DOCK6: variants seen among roughly 807,000 people sequenced by gnomAD.
The protein encoded by DOCK6 is dedicator of cytokinesis protein 6.
A neutral mutation model predicts 230.3 loss-of-function variants in DOCK6; 167 were observed. The observed-to-expected ratio is 0.73, with a 90% CI of 0.64 to 0.82. The LOEUF (loss-of-function observed/expected upper bound fraction) is 0.82, where lower values mean the gene tolerates loss of function less well. Among genes scored for constraint, DOCK6 ranks in the 40% least tolerant of loss-of-function variants. The pLI is 0.00. For synonymous variants in DOCK6, 1,148 were observed against 1,185.0 expected, an observed-to-expected ratio of 0.97 and a Z score of 0.64; for missense variants, 2,598 against 2,825.8, an observed-to-expected ratio of 0.92 and a Z score of 1.83.
intron 2 of DOCK6, 140 bp downstream of exon 2, chr19:11,253,499 C>T (rs369654745): frequency 5.9e-5 from 30 of 512,392 alleles, no homozygotes; most frequent in Middle Eastern, 5.1e-4. Context: ...CTCCCTCCCC[C>T]GACACTGCTG....
rs2116873 is a variant in DOCK6, at chr19:11,215,108, T to A, written c.4106+279A>T. Among the ~76,000 whole-genome samples, 83,174 of 151,226 alleles carry A rather than the reference T, an allele frequency of 0.55. 23,391 individuals carry two copies. The highest frequency in any genetic ancestry group is 0.62 in the Non-Finnish European group (41,804 of 67,616). On this transcript the variant is annotated intron_variant, in intron 32 of 47. Coordinates refer to ENST00000294618, the MANE Select transcript of DOCK6 (RefSeq NM_020812.4). The stretch of plus-strand genomic sequence containing the variant: ...CAGGCACCTGCCACCACACCTGGCT[T>A]ATTTTTTATATATTTTTTAGTAGAG...
At position 11,201,019 on chromosome 19, in the gene DOCK6, C is replaced by A. The variant is rs762935018; in HGVS notation, c.5722G>T (p.Asp1908Tyr). 1 of 1,613,946 alleles carries A rather than the reference C, an allele frequency of 6.2e-7. No individual in the cohort carries two copies. ...AGCTCCCGTGTCTTCTTCTGCATGT[C>A]CTCGATGGCCACCTCCACTGGCGTC... is the stretch of plus-strand genomic sequence containing the variant. ...VLTPVEVAIEDMQKKTRELAF... is the reference protein window; with the variant it reads ...VLTPVEVAIEYMQKKTRELAF... The change falls in exon 45 of 48, where the codon GAC (aspartate) becomes TAC (tyrosine). Residue 1908 changes from aspartate (D) to tyrosine (Y), a missense_variant. Coordinates refer to ENST00000294618, the MANE Select transcript of DOCK6 (RefSeq NM_020812.4). The surrounding 1 kb of genome is among the most constrained non-coding windows in gnomAD (Gnocchi z 4.3).
chr19:11,216,716 T>C (rs1270934708), intron 30 of DOCK6, 198 bp downstream of exon 30: 1 of 618,114 alleles, frequency 1.6e-6, no homozygotes, highest in East Asian at 2.9e-5. Context: ...GCCTCCACCT[T>C]CCAAATTCTA....
At chr19:11,239,812 C>T (rs2278426) in intron 14 of DOCK6, 106,488 of 1,604,966 alleles carry the variant, frequency 0.066, 6,838 homozygotes, top group East Asian at 0.26. Context: ...CACGGAGGGA[C>T]GGCTGACAAA....
At chr19:11,255,190 A>AGAC (rs1227852224) in intron 1 of DOCK6, among the ~76,000 whole-genome samples, 2 of 152,090 alleles carry the variant, frequency 1.3e-5, no homozygotes, top group African/African-American at 4.8e-5. Flanking sequence ...TTTTTAGCAG[A>AGAC]GACGGGGTTT....
intron 24 of DOCK6, among the ~76,000 whole-genome samples, chr19:11,224,706 G>C (rs942529821): frequency 6.6e-6 from 1 of 152,094 alleles, no homozygotes; most frequent in Non-Finnish European, 1.5e-5. Flanking sequence ...GCTGGTATTC[G>C]TTCTGCCCTC....
chr19:11,219,728 T>TG (rs1221123449), intron 28 of DOCK6, among the ~76,000 whole-genome samples: 1 of 149,962 alleles, frequency 6.7e-6, no homozygotes, highest in African/African-American at 2.5e-5. Flanking sequence ...AGGCAGAGCT[T>TG]GCAGTGAGCC....
rs964141123 is a variant in DOCK6, at chr19:11,201,943, G to A, written c.5634C>T (p.Thr1878=). 1.8e-5 allele frequency: 29 copies of A among 1,609,678 alleles called. No individual in the cohort carries two copies. Among genetic ancestry groups the A allele is most frequent in the South Asian group, 9.9e-5 (9 of 90,552 alleles). The change falls in exon 44 of 48, where the codon ACC becomes ACT. Residue 1878 remains threonine, a synonymous_variant. Transcript: ENST00000294618. This position sits in a 1 kb window ranked among gnomAD's most constrained non-coding sequence, Gnocchi z 4.3. ...TCTTGATGTAGGGGAAGGCGTGGTC[G>A]GTGCTGAGCAGCGTCTTACGCTTGT... ...EQHKRKTLLS[T]DHAFPYIKTR... is the part of the protein sequence containing the mutation.
Position 11,200,598 on chromosome 19 carries a change from G to C in DOCK6, c.5939+118C>G, listed in dbSNP as rs551397758. Reference sequence around the variant, plus strand: ...CCCGCAATAGGAGGTCAGGTTGGGAGAGTGGACTTAATGGGAATCGGGCAG... The same window carrying C: ...CCCGCAATAGGAGGTCAGGTTGGGACAGTGGACTTAATGGGAATCGGGCAG... On this transcript the variant is annotated intron_variant, in intron 46 of 47. Transcript: ENST00000294618. This position sits in a 1 kb window ranked among gnomAD's most constrained non-coding sequence, Gnocchi z 4.3. 4 of 1,502,442 alleles carry C rather than the reference G, an allele frequency of 2.7e-6. No homozygotes were observed. In the East Asian group the frequency reaches 9.8e-5, roughly 37 times the overall value. The allele number at this position is 1,502,442 out of a possible 1,614,324, so 93.1% of individuals were successfully genotyped here. A position where few individuals can be genotyped will look rare whatever the true frequency, so the allele number is the denominator to read the frequency against.
chr19:11,243,181 G>A lies in DOCK6; in HGVS notation c.1387-29C>T, dbSNP rs753150378. ...CATGGGACCCACTCCCGTCAGCCTG[G>A]GCCAGGGGGCTAGGGGTCCCCAGGG... On this transcript the variant is annotated intron_variant, in intron 12 of 47. Transcript: ENST00000294618. This position sits in a 1 kb window ranked among gnomAD's most constrained non-coding sequence, Gnocchi z 6.3. 6.2e-7 allele frequency: 1 copy of A among 1,612,980 alleles called. No homozygotes were observed. The highest frequency in any genetic ancestry group is 8.5e-7 in the Non-Finnish European group (1 of 1,179,060).
intron 16 of DOCK6, 93 bp from the exon 17 acceptor site, chr19:11,237,872 G>A: frequency 6.9e-7 from 1 of 1,445,824 alleles, no homozygotes; most frequent in Non-Finnish European, 9.5e-7. Context: ...TTGCTGCTAG[G>A]CCCCACTGTC....
At position 11,208,703 on chromosome 19, in the gene DOCK6, C is replaced by T. The variant is rs2079306966; in HGVS notation, c.5071G>A (p.Ala1691Thr). The T allele has an allele frequency of 6.2e-7, 1 of 1,611,784 alleles. No homozygotes were observed. The highest frequency in any genetic ancestry group is 1.3e-5 in the African/African-American group (1 of 75,046). Residue 1691 changes from alanine (A) to threonine (T), a missense_variant, in exon 39 of 48, where the codon GCC (alanine) becomes ACC (threonine). Coordinates refer to ENST00000294618, the MANE Select transcript of DOCK6 (RefSeq NM_020812.4). ...GGCCTCACCATGGTGAAGTAGCCGG[C>T]TGCCTGTTCCAGCAACCCTACCAGC... is the stretch of plus-strand genomic sequence containing the variant. ...LGLVGLLEQA[A>T]GYFTMGGLYE...
rs746424535 is a variant in DOCK6, at chr19:11,215,893, G to A, written c.3929C>T (p.Thr1310Ile). 31 of 1,613,754 alleles carry A rather than the reference G, an allele frequency of 1.9e-5. No individual in the cohort carries two copies. The highest frequency in any genetic ancestry group is 1.5e-5 in the Non-Finnish European group (18 of 1,179,882). ...CTTCATATCCAGAGATTTTTTGAAT[G>A]TGAGGCTGTTGATGCGTTCAAAGGC... is the stretch of plus-strand genomic sequence containing the variant. Reference protein sequence around the residue: ...KKAFERINSLTFKKSLDMKAR... With the variant: ...KKAFERINSLIFKKSLDMKAR... The change falls in exon 31 of 48, where the codon ACA becomes ATA. Residue 1310 changes from threonine to isoleucine, a missense_variant. Transcript: ENST00000294618.
intron 39 of DOCK6, chr19:11,208,442 G>A (rs1457372238): frequency 3.9e-5 from 15 of 381,150 alleles, no homozygotes; most frequent in Admixed American, 8.1e-5. Context: ...CACCACGCCC[G>A]GCTAATTTTT....
At chr19:11,262,013 C>G (rs2080298584) in intron 1 of DOCK6, among the ~76,000 whole-genome samples, 1 of 152,184 alleles carries the variant, frequency 6.6e-6, no homozygotes, top group South Asian at 2.1e-4. Context: ...CCGGCCCACC[C>G]CGATCTCCGA....
chr19:11,239,779 G>A, intron 14 of DOCK6: 1 of 1,610,188 alleles, frequency 6.2e-7, no homozygotes, highest in Non-Finnish European at 8.5e-7. Context: ...GCTGGGCCAG[G>A]CCCTCAACGG....
At chr19:11,225,660 C>G (rs1432698022) in intron 24 of DOCK6, among the ~76,000 whole-genome samples, 1 of 151,958 alleles carries the variant, frequency 6.6e-6, no homozygotes, top group Non-Finnish European at 1.5e-5. Context: ...CCACCACACT[C>G]TAGTCTGGAC....
At position 11,202,434 on chromosome 19, in the gene DOCK6, T is replaced by G. The variant is rs778570965; in HGVS notation, c.5411A>C (p.Asp1804Ala). The change falls in exon 43 of 48, where the codon GAC becomes GCC. Residue 1804 changes from aspartate to alanine, a missense_variant. Transcript: ENST00000294618. This position sits in a 1 kb window ranked among gnomAD's most constrained non-coding sequence, Gnocchi z 5.3. Reference sequence around the variant, plus strand: ...CTTGGACTTGTCCACAGGGTTAGAGTCTTTGATAATCTCAACGACGTCGTC... The same window carrying G: ...CTTGGACTTGTCCACAGGGTTAGAGGCTTTGATAATCTCAACGACGTCGTC... ...FGDDVVEIIK[D>A]SNPVDKSKLD... is the part of the protein sequence containing the mutation. 7.4e-6 allele frequency: 12 copies of G among 1,613,380 alleles called. No individual in the cohort carries two copies. The highest frequency in any genetic ancestry group is 9.3e-6 in the Non-Finnish European group (11 of 1,179,698).
At chr19:11,244,749 G>A (rs1432233184) in intron 9 of DOCK6, among the ~76,000 whole-genome samples, 10 of 152,000 alleles carry the variant, frequency 6.6e-5, no homozygotes, top group Admixed American at 1.3e-4. Flanking sequence ...GTGAGCCACC[G>A]CGCCCAGCCA....
Sources: allele counts gnomAD v4.1 joint callset (sites outside exome capture counted in the v4.1 genomes callset), GRCh38; gene constraint gnomAD v4.1.1; non-coding constraint Gnocchi (gnomAD v3.1); transcripts MANE v1.5; gene names NCBI Gene and HGNC (gene_info 2026-07-23, HGNC 2026-07-21).